Variants in L1TD1 observed in about 807,000 individuals in gnomAD.
The protein encoded by L1TD1 is LINE-1 type transposase domain-containing protein 1.
L1TD1 carries 26 observed loss-of-function variants against 25.7 expected under a neutral mutation model. The observed-to-expected ratio is 1.01, with a 90% CI of 0.74 to 1.40. L1TD1 has a LOEUF of 1.40. Ranked by LOEUF, L1TD1 falls within the 40% of genes most tolerant of loss-of-function variation. L1TD1 has a pLI of 0.00. For missense variants in L1TD1, 1,130 were observed against 975.0 expected (o/e 1.16, Z -2.12); for synonymous variants, 421 against 335.6 (o/e 1.25, Z -2.78).
chr1:62,210,832 TAAAG>T lies in L1TD1; in HGVS notation c.2063_2066del (p.Glu688GlyfsTer5), dbSNP rs759573169. ...TGCAAATGACCAAACAGATAATTAG[TAAAG>T]AAAGGCAAAGAGATATAGAGGAGAG... On this transcript the variant is annotated frameshift_variant, in exon 4 of 4. Transcript: ENST00000498273. LOFTEE classifies it low-confidence loss of function (END_TRUNC). 3 of 1,549,218 alleles carry T rather than the reference TAAAG, an allele frequency of 1.9e-6. No individual in the cohort carries two copies. Among genetic ancestry groups the T allele is most frequent in the East Asian group, 2.4e-5 (1 of 40,882 alleles).
At chr1:62,197,286 C>T in intron 2 of L1TD1, among the ~76,000 whole-genome samples, 1 of 151,258 alleles carries the variant, frequency 6.6e-6, no homozygotes. Flanking sequence ...ACGTGGGAGG[C>T]TGAGGCAGGA....
At chr1:62,201,123 T>C (rs1670631754) in intron 2 of L1TD1, among the ~76,000 whole-genome samples, 1 of 151,994 alleles carries the variant, frequency 6.6e-6, no homozygotes, top group Non-Finnish European at 1.5e-5. Context: ...GAGACAGGGT[T>C]TCACCATGTT....
intron 2 of L1TD1, among the ~76,000 whole-genome samples, chr1:62,205,430 TATATATA>T (rs1670723469): frequency 1.4e-5 from 1 of 74,034 alleles, no homozygotes. Context: ...TATATATATA[TATATATA>T]TATATATTTT....
chr1:62,195,253 C>G (rs1013734970), intron 1 of L1TD1, among the ~76,000 whole-genome samples: 6 of 151,730 alleles, frequency 4.0e-5, no homozygotes, highest in Non-Finnish European at 2.9e-5. Flanking sequence ...CAAGGCTGAT[C>G]CGGGTGCGTG....
In L1TD1 at chr1:62,207,330, A is replaced by G. The variant is rs747936501; in HGVS notation, c.702A>G (p.Lys234=). The G allele has an allele frequency of 2.6e-5, 41 of 1,551,156 alleles. 1 individual carries two copies. The highest frequency in any genetic ancestry group is 3.6e-5 in the South Asian group (3 of 83,990). The part of the protein sequence containing the change: ...EEVLKASREE[K]VLMDEGAVLT... Reference sequence around the variant, plus strand: ...TTTTAAAAGCCTCCAGAGAAGAAAAAGTGTTGATGGATGAAGGAGCAGTAC... The same window carrying G: ...TTTTAAAAGCCTCCAGAGAAGAAAAGGTGTTGATGGATGAAGGAGCAGTAC... Residue 234 remains lysine (K), a synonymous_variant, in exon 3 of 4, where the codon AAA becomes AAG. Transcript: ENST00000498273.
At chr1:62,197,397 T>C (rs1001922261) in intron 2 of L1TD1, among the ~76,000 whole-genome samples, 6 of 80,838 alleles carry the variant, frequency 7.4e-5, no homozygotes, top group Non-Finnish European at 5.2e-5. Context: ...AAAAAATAAA[T>C]TATATATATA....
At chr1:62,203,463 C>T (rs1051818984) in intron 2 of L1TD1, among the ~76,000 whole-genome samples, 5 of 152,124 alleles carry the variant, frequency 3.3e-5, no homozygotes, top group African/African-American at 1.2e-4. Context: ...ACTCTGTCGC[C>T]CGGTACAGTG....
In L1TD1 at chr1:62,211,007, C is replaced by A. The variant is rs890204634; in HGVS notation, c.2233C>A (p.Arg745=). 6.5e-7 allele frequency: 1 copy of A among 1,546,240 alleles called. No homozygotes were observed. Among genetic ancestry groups the A allele is most frequent in the Non-Finnish European group, 8.7e-7 (1 of 1,145,806 alleles). The part of the protein sequence containing the change: ...GSSLEIVSAC[R]VPSKIDEKRL... The stretch of plus-strand genomic sequence containing the variant: ...AAGTCTTGAGATTGTCAGTGCTTGT[C>A]GAGTACCTAGTAAAATTGATGAAAA... Residue 745 remains arginine (R), a synonymous_variant, in exon 4 of 4, where the codon CGA becomes AGA. Coordinates refer to ENST00000498273, the MANE Select transcript of L1TD1 (RefSeq NM_019079.5).
rs1670854130 is a variant in L1TD1 at position 62,210,876 on chromosome 1, AC to A, written c.2103del (p.Asn701LysfsTer4). 6.4e-7 allele frequency: 1 copy of A among 1,551,468 alleles called. No individual in the cohort carries two copies. ...ATAGAGGAGAGATCTAGAAGTTGCA[AC>A]ATTCGTTTGATAGGAATTCCAGAAA... ...RDIEERSRSC[N>X]IRLIGIPEKE... On this transcript the variant is annotated frameshift_variant, in exon 4 of 4. Transcript: ENST00000498273. LOFTEE classifies it low-confidence loss of function (END_TRUNC).
chr1:62,207,351 A>G lies in L1TD1; in HGVS notation c.723A>G (p.Ala241=), dbSNP rs777535958. The G allele has an allele frequency of 6.4e-7, 1 of 1,551,590 alleles. No homozygotes were observed. The highest frequency in any genetic ancestry group is 1.4e-5 in the African/African-American group (1 of 73,166). Residue 241 remains alanine, a synonymous_variant, in exon 3 of 4, where the codon GCA becomes GCG. Transcript: ENST00000498273. The stretch of plus-strand genomic sequence containing the variant: ...AAAAAGTGTTGATGGATGAAGGAGC[A>G]GTACTTACCCTGGTAGCCGACCTTT... ...REEKVLMDEG[A]VLTLVADLSS... is the part of the protein sequence containing the mutation.
intron 3 of L1TD1, among the ~76,000 whole-genome samples, chr1:62,209,472 A>G (rs1240388208): frequency 2.6e-5 from 4 of 152,110 alleles, no homozygotes; most frequent in African/African-American, 9.7e-5. Flanking sequence ...AAAATAGGTA[A>G]TTACTGAGGA....
At position 62,199,370 on chromosome 1, in the gene L1TD1, T is replaced by G. The variant is rs182118244; in HGVS notation, c.-111+2842T>G. The stretch of plus-strand genomic sequence containing the variant: ...AAAATTAGCCGGGCATGGTGGCGTG[T>G]GCCTGTTGTCCCAGCAACTCAGGAG... On this transcript the variant is annotated intron_variant, in intron 2 of 3. Transcript: ENST00000498273. Among the ~76,000 whole-genome samples the G allele has an allele frequency of 2.6e-3, 398 of 152,040 alleles. 1 individual carries two copies. The highest frequency in any genetic ancestry group is 9.1e-3 in the African/African-American group (377 of 41,492).
chr1:62,196,766 T>C (rs1264515414), intron 2 of L1TD1, among the ~76,000 whole-genome samples: 1 of 152,108 alleles, frequency 6.6e-6, no homozygotes, highest in African/African-American at 2.4e-5. Context: ...CTAATTTTTG[T>C]ATTTTTAGTA....
chr1:62,202,210 G>A (rs1049916580), intron 2 of L1TD1, among the ~76,000 whole-genome samples: 2 of 151,884 alleles, frequency 1.3e-5, no homozygotes, highest in Non-Finnish European at 2.9e-5. Flanking sequence ...TTAGGCAGGA[G>A]AATCGCTTGA....
At chr1:62,200,903 T>A (rs1381116068) in intron 2 of L1TD1, among the ~76,000 whole-genome samples, 2 of 152,118 alleles carry the variant, frequency 1.3e-5, no homozygotes, top group Non-Finnish European at 2.9e-5. Flanking sequence ...TTATTTAGTT[T>A]TAGTTTATTT....
intron 2 of L1TD1, among the ~76,000 whole-genome samples, chr1:62,202,047 TC>T (rs1239518926): frequency 6.6e-6 from 1 of 152,188 alleles, no homozygotes; most frequent in Non-Finnish European, 1.5e-5. Context: ...ACGCCTGTAA[TC>T]CCAGCACTTT....
At chr1:62,201,779 C>CT (rs1169790734) in intron 2 of L1TD1, among the ~76,000 whole-genome samples, 1 of 152,168 alleles carries the variant, frequency 6.6e-6, no homozygotes, top group African/African-American at 2.4e-5. Context: ...ATATTCAGTA[C>CT]TCCCTGCATT....
Position 62,210,095 on chromosome 1 carries a change from GA to G in L1TD1, c.1323del (p.Glu441AspfsTer12). ...AGAGGAGGAAGAGGAACAGACTTCA[GA>G]ACAGGACTCAACCTTTCAGGGTCAT... The part of the protein sequence containing the change: ...GLEEEEEQTS[E>X]QDSTFQGHTL... On this transcript the variant is annotated frameshift_variant, in exon 4 of 4. Coordinates refer to ENST00000498273, the MANE Select transcript of L1TD1 (RefSeq NM_019079.5). LOFTEE classifies it low-confidence loss of function (END_TRUNC). 1 of 1,613,996 alleles carries G rather than the reference GA, an allele frequency of 6.2e-7. No homozygotes were observed. Among genetic ancestry groups the G allele is most frequent in the Non-Finnish European group, 8.5e-7 (1 of 1,179,958 alleles).
intron 2 of L1TD1, among the ~76,000 whole-genome samples, chr1:62,202,023 G>A (rs979256055): frequency 2.0e-5 from 3 of 152,198 alleles, no homozygotes; most frequent in Non-Finnish European, 4.4e-5. Flanking sequence ...GGATGAGGCT[G>A]GGTGAGGTGG....
Sources: allele counts gnomAD v4.1 joint callset (sites outside exome capture counted in the v4.1 genomes callset), GRCh38; gene constraint gnomAD v4.1.1; transcripts MANE v1.5; gene names NCBI Gene and HGNC (gene_info 2026-07-23, HGNC 2026-07-21).